Variants in PHACTR1 observed in about 807,000 individuals in gnomAD.
PHACTR1 encodes phosphatase and actin regulator 1, also known as RPEL repeat containing 1.
Under a neutral mutation model 69.2 loss-of-function variants are expected in PHACTR1, and 16 were observed. That is an observed-to-expected ratio of 0.23 (90% CI 0.16 to 0.35). The LOEUF (loss-of-function observed/expected upper bound fraction) is 0.35. PHACTR1 is among the 10% of genes least tolerant of loss of function. The pLI, the probability that PHACTR1 is intolerant of heterozygous loss-of-function variation, is 1.00. For missense variants in PHACTR1, 510 were observed against 734.7 expected, an observed-to-expected ratio of 0.69 and a Z score of 3.54; for synonymous variants, 312 against 284.5, an observed-to-expected ratio of 1.10 and a Z score of -0.97.
Position 13,117,419 on chromosome 6 carries a change from A to T in PHACTR1, c.416-42785A>T, listed in dbSNP as rs554034943. Among the ~76,000 whole-genome samples, 3 of 152,354 alleles carry T rather than the reference A, an allele frequency of 2.0e-5. No individual in the cohort carries two copies. In the East Asian group the frequency reaches 5.8e-4, roughly 29 times the overall value. On this transcript the variant is annotated intron_variant, in intron 5 of 14. Coordinates refer to ENST00000332995, the MANE Select transcript of PHACTR1 (RefSeq NM_030948.6). ...GGATTTGTTTGGGAAATGGGTATCTATGAATAATCTCAGTGGACTATTAAT... is the reference window on the plus strand; with the variant it reads ...GGATTTGTTTGGGAAATGGGTATCTTTGAATAATCTCAGTGGACTATTAAT...
At chr6:13,138,097 A>G (rs1163681492) in intron 5 of PHACTR1, among the ~76,000 whole-genome samples, 1 of 152,222 alleles carries the variant, frequency 6.6e-6, no homozygotes, top group Non-Finnish European at 1.5e-5. Flanking sequence ...ACTAAAATGT[A>G]GGAGTCCTCA....
intron 5 of PHACTR1, among the ~76,000 whole-genome samples, chr6:13,066,683 C>G (rs1488681499): frequency 6.6e-6 from 1 of 152,006 alleles, no homozygotes; most frequent in Non-Finnish European, 1.5e-5. Context: ...CTCTTGGGGT[C>G]TGTCATGCAT....
chr6:12,865,461 TG>T, intron 4 of PHACTR1, among the ~76,000 whole-genome samples: 1 of 148,754 alleles, frequency 6.7e-6, no homozygotes, highest in Admixed American at 6.7e-5. Flanking sequence ...TTAATGGGTG[TG>T]TGTGTGTGTG....
intron 4 of PHACTR1, among the ~76,000 whole-genome samples, chr6:12,797,292 C>A (rs1394116030): frequency 6.6e-6 from 1 of 152,166 alleles, no homozygotes; most frequent in Admixed American, 6.5e-5. Flanking sequence ...CAAAGATCAA[C>A]AACCAAAAGG....
chr6:13,221,671 G>A (rs1272657894), intron 8 of PHACTR1, among the ~76,000 whole-genome samples: 4 of 152,224 alleles, frequency 2.6e-5, no homozygotes, highest in Non-Finnish European at 5.9e-5. Context: ...AGGCTTAAGT[G>A]AATCAACACG....
At chr6:12,816,852 C>T (rs1164691816) in intron 4 of PHACTR1, among the ~76,000 whole-genome samples, 1 of 152,096 alleles carries the variant, frequency 6.6e-6, no homozygotes, top group Non-Finnish European at 1.5e-5. Flanking sequence ...GAAGGATGTG[C>T]AGTAGAATTA....
At chr6:13,183,232 G>C (rs1762411265) in intron 7 of PHACTR1, among the ~76,000 whole-genome samples, 1 of 152,146 alleles carries the variant, frequency 6.6e-6, no homozygotes, top group Non-Finnish European at 1.5e-5. Flanking sequence ...TTGGTCCAAA[G>C]GTGGCTGAGT....
At chr6:12,903,497 T>C (rs982618678) in intron 4 of PHACTR1, among the ~76,000 whole-genome samples, 3 of 152,232 alleles carry the variant, frequency 2.0e-5, no homozygotes, top group African/African-American at 7.2e-5. Flanking sequence ...TCCATCCTTC[T>C]TGACATGGGT....
intron 4 of PHACTR1, among the ~76,000 whole-genome samples, chr6:12,899,660 C>T (rs1784997395): frequency 6.6e-6 from 1 of 152,192 alleles, no homozygotes; most frequent in Admixed American, 6.5e-5. Context: ...ATAGCTTAAG[C>T]GTTGAAAAGA....
intron 4 of PHACTR1, among the ~76,000 whole-genome samples, chr6:12,934,384 T>C (rs1789212713): frequency 6.6e-6 from 1 of 152,204 alleles, no homozygotes; most frequent in Non-Finnish European, 1.5e-5. Context: ...GATGTTAGAA[T>C]GTCAACATAT....
rs1335363440 is a variant in PHACTR1, at chr6:12,957,706, G to A, written c.251-95659G>A. 4 of 985,498 alleles carry A rather than the reference G, an allele frequency of 4.1e-6. No homozygotes were observed. The African/African-American group carries it at 7.0e-5, about 17-fold the overall frequency. The allele number at this position is 985,498 out of a possible 1,614,324, so 61.0% of individuals were successfully genotyped here. On this transcript the variant is annotated intron_variant, in intron 4 of 14. Transcript: ENST00000332995. ...GGAGGCGGTTTTAGGTTAGAAAAGG[G>A]ATAAAATGGACCCTTCATGCCAGAT...
At chr6:12,796,390 C>T (rs889757810) in intron 4 of PHACTR1, among the ~76,000 whole-genome samples, 12 of 152,204 alleles carry the variant, frequency 7.9e-5, no homozygotes, top group Non-Finnish European at 1.3e-4. Flanking sequence ...GTTCCCAGTA[C>T]AGACTCTGAA....
chr6:12,927,348 A>G (rs532717245), intron 4 of PHACTR1, among the ~76,000 whole-genome samples: 30 of 152,294 alleles, frequency 2.0e-4, no homozygotes, highest in Non-Finnish European at 4.3e-4. Context: ...TATATCTTCA[A>G]TGTCTAGCAC....
intron 3 of PHACTR1, among the ~76,000 whole-genome samples, chr6:12,742,378 C>G (rs1024533264): frequency 4.6e-5 from 7 of 152,056 alleles, no homozygotes; most frequent in African/African-American, 1.7e-4. Flanking sequence ...TCTTTTAGCA[C>G]GCTAATTCAT....
chr6:12,918,479 T>C (rs1787263208), intron 4 of PHACTR1, among the ~76,000 whole-genome samples: 1 of 152,260 alleles, frequency 6.6e-6, no homozygotes, highest in African/African-American at 2.4e-5. Flanking sequence ...AGCGCATTTA[T>C]AATCGTGTTT....
intron 4 of PHACTR1, among the ~76,000 whole-genome samples, chr6:12,983,429 A>G (rs9473155): frequency 0.017 from 2,662 of 152,328 alleles, 70 homozygotes; most frequent in African/African-American, 0.058. Context: ...AATAATTACA[A>G]AAGTAAAACC....
intron 5 of PHACTR1, among the ~76,000 whole-genome samples, chr6:13,087,954 C>T (rs57309262): frequency 6.6e-6 from 1 of 152,230 alleles, no homozygotes; most frequent in African/African-American, 2.4e-5. Flanking sequence ...GCCAAAAGCA[C>T]ACATCTTTAA....
At chr6:12,814,110 T>G (rs1561907538) in intron 4 of PHACTR1, among the ~76,000 whole-genome samples, 1 of 152,198 alleles carries the variant, frequency 6.6e-6, no homozygotes, top group East Asian at 1.9e-4. Flanking sequence ...CAGGTGGAAT[T>G]TCTGTTCTCT....
At chr6:12,833,301 C>T (rs2127731629) in intron 4 of PHACTR1, among the ~76,000 whole-genome samples, 1 of 151,874 alleles carries the variant, frequency 6.6e-6, no homozygotes, top group East Asian at 1.9e-4. Flanking sequence ...CTCTGTCACC[C>T]AGGCTGGAGT....
Sources: gnomAD v4.1 joint callset for allele counts (sites outside exome capture counted in the v4.1 genomes callset) on GRCh38, gnomAD v4.1.1 for gene constraint, MANE v1.5 for transcripts, NCBI Gene and HGNC (gene_info 2026-07-23, HGNC 2026-07-21) for gene names.